Variants in DNAH12 observed in about 807,000 individuals in gnomAD.
DNAH12 encodes the protein dynein axonemal heavy chain 12.
Under a neutral mutation model 371.5 loss-of-function variants are expected in DNAH12, and 285 were observed. The observed-to-expected ratio is 0.77, with a 90% CI of 0.70 to 0.85. The LOEUF (loss-of-function observed/expected upper bound fraction) is 0.85. DNAH12 is among the 40% of genes least tolerant of loss of function. DNAH12 has a pLI of 0.00. For missense variants in DNAH12, 3,611 were observed against 3,689.4 expected (o/e 0.98, Z 0.55); for synonymous variants, 1,200 against 1,213.0 (o/e 0.99, Z 0.22).
In DNAH12 at chr3:57,523,840, C is replaced by CT; in HGVS notation, c.214dup (p.Arg72LysfsTer9). ...ATCAGGTGGTGGTAATAGAGGTGTT[C>CT]TTTTACCCAGTGTTCTGTCTAAATT... is the stretch of plus-strand genomic sequence containing the variant. On this transcript the variant is annotated frameshift_variant, in exon 3 of 74. Coordinates refer to ENST00000495027, the MANE Select transcript of DNAH12 (RefSeq NM_001366028.2). LOFTEE classifies it high-confidence loss of function. 6.2e-7 allele frequency: 1 copy of CT among 1,607,490 alleles called. No homozygotes were observed. Among genetic ancestry groups the CT allele is most frequent in the Non-Finnish European group, 8.5e-7 (1 of 1,177,766 alleles).
intron 25 of DNAH12, among the ~76,000 whole-genome samples, chr3:57,448,463 A>G (rs6799016): frequency 1.3e-5 from 2 of 150,218 alleles, no homozygotes; most frequent in Admixed American, 6.6e-5. Context: ...CGTTCCTCCC[A>G]GGGGGGCTCG....
At chr3:57,507,467 A>AT (rs1367191714) in intron 8 of DNAH12, among the ~76,000 whole-genome samples, 176 bp downstream of exon 8, 1 of 152,190 alleles carries the variant, frequency 6.6e-6, no homozygotes. Context: ...ATTTCCTTTC[A>AT]TTTTAGATAG....
At position 57,379,871 on chromosome 3, in the gene DNAH12, A is replaced by G. The variant is rs1470521781; in HGVS notation, c.8082+407T>C. Among the ~76,000 whole-genome samples the G allele has an allele frequency of 2.1e-5, 3 of 145,470 alleles. No homozygotes were observed. The East Asian group carries it at 5.9e-4, about 29-fold the overall frequency. On this transcript the variant is annotated intron_variant, in intron 51 of 73. Coordinates refer to ENST00000495027, the MANE Select transcript of DNAH12 (RefSeq NM_001366028.2). ...AAAAAAAAAAAAAAAAAAAAAAAAG[A>G]CATAAGTTGAGAGAACAAATGGAAA...
At chr3:57,294,011 A>G in intron 73 of DNAH12, 40 bp from the exon 74 acceptor site, 2 of 1,410,558 alleles carry the variant, frequency 1.4e-6, no homozygotes, top group Non-Finnish European at 1.9e-6. Flanking sequence ...TGATAAAGGG[A>G]AAAACAGCCA....
rs185769386 is a variant in DNAH12, at chr3:57,469,488, C to A, written c.2106-509G>T. Among the ~76,000 whole-genome samples, 343 of 152,230 alleles carry A rather than the reference C, an allele frequency of 2.3e-3. 1 individual carries two copies. Among genetic ancestry groups the A allele is most frequent in the Admixed American group, 3.5e-3 (54 of 15,288 alleles). On this transcript the variant is annotated intron_variant, in intron 16 of 73. Coordinates refer to ENST00000495027, the MANE Select transcript of DNAH12 (RefSeq NM_001366028.2). ...CAGCAATCCCATTACTGGGTATATA[C>A]CCAAAGGAAAATAATCATTCTGCCA...
intron 45 of DNAH12, 74 bp from the exon 46 acceptor site, chr3:57,387,293 G>A (rs2063515567): frequency 1.3e-5 from 2 of 152,288 alleles, no homozygotes; most frequent in Middle Eastern, 6.8e-3. Context: ...ATAAGTTAAT[G>A]CATAATAAGT....
intron 1 of DNAH12, among the ~76,000 whole-genome samples, chr3:57,543,844 C>T (rs2069407807): frequency 6.6e-6 from 1 of 151,514 alleles, no homozygotes. Flanking sequence ...GTCGGGAGTT[C>T]GAGCCCAGCC....
chr3:57,360,454 C>T (rs2153327647), intron 58 of DNAH12, among the ~76,000 whole-genome samples: 1 of 152,196 alleles, frequency 6.6e-6, no homozygotes, highest in Non-Finnish European at 1.5e-5. Flanking sequence ...TTCGAGAGGC[C>T]AAGGCAGGCG....
intron 2 of DNAH12, among the ~76,000 whole-genome samples, chr3:57,541,687 A>T (rs1336071255): frequency 6.6e-6 from 1 of 151,756 alleles, no homozygotes; most frequent in African/African-American, 2.4e-5. Flanking sequence ...TTGAATACTT[A>T]AGCATCTCTA....
chr3:57,299,136 G>C (rs553017), intron 70 of DNAH12, among the ~76,000 whole-genome samples: 107,271 of 152,010 alleles, frequency 0.71, 38,627 homozygotes, highest in East Asian at 0.92. Flanking sequence ...TAAAACCAGG[G>C]AGAGCGAGCA....
chr3:57,441,115 G>T (rs1206206443), intron 29 of DNAH12, among the ~76,000 whole-genome samples: 1 of 151,934 alleles, frequency 6.6e-6, no homozygotes, highest in East Asian at 1.9e-4. Context: ...TAACAGATAA[G>T]AACTTGACAA....
At chr3:57,512,409 T>C (rs1260234279) in intron 4 of DNAH12, 2 of 152,198 alleles carry the variant, frequency 1.3e-5, no homozygotes, top group African/African-American at 4.8e-5. Context: ...GAAAATGTTC[T>C]GGAGATTCGC....
intron 62 of DNAH12, among the ~76,000 whole-genome samples, chr3:57,327,414 A>C (rs2061976385): frequency 6.6e-6 from 1 of 152,120 alleles, no homozygotes; most frequent in Admixed American, 6.6e-5. Context: ...CTCACTCAAA[A>C]CCGCTCAACT....
At chr3:57,530,764 T>G (rs1252970481) in intron 2 of DNAH12, 2 of 230,866 alleles carry the variant, frequency 8.7e-6, no homozygotes, top group Non-Finnish European at 1.7e-5. Context: ...CTACATCACT[T>G]GGAGCCCCAG....
In DNAH12 at chr3:57,459,729, G is replaced by C. The variant is rs1202974086; in HGVS notation, c.2794C>G (p.Gln932Glu). The C allele has an allele frequency of 2.4e-5, 37 of 1,540,982 alleles. No homozygotes were observed. The highest frequency in any genetic ancestry group is 3.0e-5 in the Non-Finnish European group (34 of 1,140,066). The change falls in exon 20 of 74, where the codon CAA (glutamine) becomes GAA (glutamate). Residue 932 changes from glutamine to glutamate, a missense_variant. By Grantham distance (29) the Gln-to-Glu change is conservative. Coordinates refer to ENST00000495027, the MANE Select transcript of DNAH12 (RefSeq NM_001366028.2). ...QETIDEWLKV[Q>E]AQWLYLEPIF... ...GGCTCTAAGTACAGCCATTGAGCTT[G>C]TACTTTTAACCATTCATCAATTGTT...
intron 13 of DNAH12, among the ~76,000 whole-genome samples, chr3:57,482,745 A>T (rs967301041): frequency 6.9e-6 from 1 of 144,938 alleles, no homozygotes; most frequent in African/African-American, 2.4e-5. Context: ...TGCAGCCATA[A>T]AAAAGGATGA....
At chr3:57,547,816 A>G (rs1489587613), upstream of DNAH12, among the ~76,000 whole-genome samples, 3 of 152,218 alleles carry the variant, frequency 2.0e-5, no homozygotes, top group Non-Finnish European at 4.4e-5. Context: ...TACTTGATAA[A>G]TTAGCAATTT....
In DNAH12 at chr3:57,357,794, G is replaced by A. The variant is rs1192441303; in HGVS notation, c.9361-446C>T. On this transcript the variant is annotated intron_variant, in intron 58 of 73. Transcript: ENST00000495027. ...GGATGGAGAGCAAGTGTACATGTGC[G>A]TATATTTAAGGTGTTAACTCGTGTA... Among the ~76,000 whole-genome samples, 12 of 152,274 alleles carry A rather than the reference G, an allele frequency of 7.9e-5. No individual in the cohort carries two copies. The East Asian group carries it at 1.9e-3, about 24-fold the overall frequency.
At chr3:57,328,899 C>G (rs1303800898) in intron 62 of DNAH12, among the ~76,000 whole-genome samples, 125 of 131,720 alleles carry the variant, frequency 9.5e-4, no homozygotes, top group African/African-American at 3.6e-3. Context: ...AAATCACAAG[C>G]ATTCTTATAC....
Sources: allele counts gnomAD v4.1 joint callset (sites outside exome capture counted in the v4.1 genomes callset), GRCh38; gene constraint gnomAD v4.1.1; transcripts MANE v1.5; gene names NCBI Gene and HGNC (gene_info 2026-07-23, HGNC 2026-07-21).